The following NLRC5 variants were observed in gnomAD, a reference collection of about 807,000 sequenced individuals.
NLRC5 encodes the protein protein NLRC5.
NLRC5 carries 114 observed loss-of-function variants against 206.9 expected under a neutral mutation model. The observed-to-expected ratio is 0.55, with a 90% CI of 0.47 to 0.64. The LOEUF is 0.64. NLRC5 is among the 30% of genes least tolerant of loss of function. The pLI, the probability that NLRC5 is intolerant of heterozygous loss-of-function variation, is 0.00. For missense variants in NLRC5, 2,008 were observed against 2,305.5 expected (o/e 0.87, Z 2.64); for synonymous variants, 952 against 962.8 (o/e 0.99, Z 0.21).
At chr16:57,034,508 A>G in intron 13 of NLRC5, 1 of 439,852 alleles carries the variant, frequency 2.3e-6, no homozygotes, top group Non-Finnish European at 4.1e-6. Context: ...TCCTCATTTT[A>G]TAGAGGAGGA....
intron 29 of NLRC5, 110 bp downstream of exon 29, chr16:57,059,171 G>T: frequency 1.3e-6 from 2 of 1,594,356 alleles, no homozygotes; most frequent in South Asian, 2.2e-5. Context: ...CATCTGGGTG[G>T]CTTGGAGCAA....
At chr16:57,066,682 C>T in intron 34 of NLRC5, 68 bp downstream of exon 34, 1 of 1,329,390 alleles carries the variant, frequency 7.5e-7, no homozygotes, top group Non-Finnish European at 1.1e-6. Context: ...CTGCTTCTGA[C>T]CAATATTCAC....
chr16:57,025,562 G>T lies in NLRC5; in HGVS notation c.619G>T (p.Val207Leu). The change falls in exon 6 of 49, where the codon GTG becomes TTG. Residue 207 changes from valine to leucine, a missense_variant. By Grantham distance (32) the Val-to-Leu change is conservative. Coordinates refer to ENST00000688547, the MANE Select transcript of NLRC5 (RefSeq NM_001384950.1). ...GDVKVEDGAD[V>L]SISDLFNTRV... is the part of the protein sequence containing the mutation. ...CGTCAAGGTGGAAGATGGTGCTGAC[G>T]TGAGCATCTCGGACCTCTTCAACAC... 1 of 1,614,028 alleles carries T rather than the reference G, an allele frequency of 6.2e-7. No individual in the cohort carries two copies. Among genetic ancestry groups the T allele is most frequent in the Non-Finnish European group, 8.5e-7 (1 of 1,179,910 alleles).
At chr16:57,057,946 G>A (rs2065906133) in intron 27 of NLRC5, 119 bp from the exon 28 acceptor site, 1 of 763,780 alleles carries the variant, frequency 1.3e-6, no homozygotes, top group Non-Finnish European at 2.3e-6. Context: ...TGGTGGCGCT[G>A]GTGACCCTGA....
At chr16:57,002,462 G>C (rs1416037645) in intron 1 of NLRC5, among the ~76,000 whole-genome samples, 1 of 151,754 alleles carries the variant, frequency 6.6e-6, no homozygotes, top group African/African-American at 2.4e-5. Flanking sequence ...CATTTTCTCT[G>C]TTCATTCATC....
At chr16:57,064,328 TTC>T (rs1221669735) in intron 32 of NLRC5, among the ~76,000 whole-genome samples, 2 of 152,234 alleles carry the variant, frequency 1.3e-5, no homozygotes, top group Admixed American at 6.5e-5. Flanking sequence ...TTTGACTTAA[TTC>T]TCTTTTTTCC....
intron 21 of NLRC5, among the ~76,000 whole-genome samples, chr16:57,045,859 GC>G (rs1451016167): frequency 6.6e-6 from 1 of 152,240 alleles, no homozygotes; most frequent in Non-Finnish European, 1.5e-5. Flanking sequence ...ACATGTCACT[GC>G]CCTTTCACGC....
In NLRC5 at chr16:57,000,800, C is replaced by T. The variant is rs1298754533; in HGVS notation, c.-128+11183C>T. Among the ~76,000 whole-genome samples the T allele has an allele frequency of 2.6e-5, 4 of 152,254 alleles. No homozygotes were observed. The South Asian group carries it at 8.3e-4, about 32-fold the overall frequency. ...TGCTTGCCCTGCCAGCATTTGTGGG[C>T]GGGGGAGGAAATGGCCACTAACCAT... On this transcript the variant is annotated intron_variant, in intron 1 of 48. Coordinates refer to ENST00000688547, the MANE Select transcript of NLRC5 (RefSeq NM_001384950.1).
intron 23 of NLRC5, 115 bp from the exon 24 acceptor site, chr16:57,051,423 A>T: frequency 1.3e-6 from 1 of 746,082 alleles, no homozygotes; most frequent in South Asian, 1.6e-5. Context: ...GCTGGGAGGG[A>T]ATGTTTCAGG....
intron 16 of NLRC5, 66 bp downstream of exon 16, chr16:57,039,915 C>A (rs1242352755): frequency 2.2e-6 from 3 of 1,354,404 alleles, no homozygotes; most frequent in African/African-American, 1.4e-5. Flanking sequence ...CCCTCCACAG[C>A]TGGGCAGTGC....
chr16:57,040,585 A>C, intron 16 of NLRC5, 65 bp from the exon 17 acceptor site: 1 of 1,511,072 alleles, frequency 6.6e-7, no homozygotes, highest in Non-Finnish European at 9.2e-7. Context: ...GGCCAGGCTG[A>C]GGATGGATTC....
Position 57,079,540 on chromosome 16 carries a change from C to T in NLRC5, c.5238-6C>T, listed in dbSNP as rs200755778. On this transcript the variant is annotated splice_polypyrimidine_tract_variant and splice_region_variant and intron_variant, in intron 45 of 48. Coordinates refer to ENST00000688547, the MANE Select transcript of NLRC5 (RefSeq NM_001384950.1). ...CATCCCATCCCATGCCCTTCTCCATCCCCAGCCTGGTTTCCTGTAAGATTG... is the reference window on the plus strand; with the variant it reads ...CATCCCATCCCATGCCCTTCTCCATTCCCAGCCTGGTTTCCTGTAAGATTG... 44 of 1,613,608 alleles carry T rather than the reference C, an allele frequency of 2.7e-5. No homozygotes were observed. The highest frequency in any genetic ancestry group is 3.6e-5 in the Non-Finnish European group (42 of 1,179,638).
intron 48 of NLRC5, 139 bp from the exon 49 acceptor site, chr16:57,082,278 C>T (rs1567656532): frequency 3.3e-6 from 2 of 600,784 alleles, no homozygotes; most frequent in East Asian, 5.9e-5. Flanking sequence ...CCTAGGTCAG[C>T]TATGCTGGTC....
rs2144402457 is a variant in NLRC5, at chr16:57,054,851, C to T, written c.3596+11C>T. The T allele has an allele frequency of 6.2e-7, 1 of 1,613,202 alleles. No homozygotes were observed. The highest frequency in any genetic ancestry group is 8.5e-7 in the Non-Finnish European group (1 of 1,179,118). On this transcript the variant is annotated intron_variant, in intron 25 of 48. Transcript: ENST00000688547. ...AAAGGTGGATCTCAGGTGGGCATTCCCCTGGGACAGCCAGGACTCGTCCTG... is the reference window on the plus strand; with the variant it reads ...AAAGGTGGATCTCAGGTGGGCATTCTCCTGGGACAGCCAGGACTCGTCCTG...
At chr16:57,011,720 CAAA>C (rs34446834) in intron 1 of NLRC5, among the ~76,000 whole-genome samples, 80 of 135,744 alleles carry the variant, frequency 5.9e-4, no homozygotes, top group Non-Finnish European at 6.1e-4. Flanking sequence ...GACCCTGTGT[CAAA>C]AAAAAAAAAA....
rs371542391 is a variant in NLRC5, at chr16:57,037,319, C to G, written c.2801+35C>G. On this transcript the variant is annotated intron_variant, in intron 15 of 48. Coordinates refer to ENST00000688547, the MANE Select transcript of NLRC5 (RefSeq NM_001384950.1). ...CCCTCAGACCACGGTACCCATCCCC[C>G]CCCCCATCATGCTCTCTCTGAAGCC... 3.1e-4 allele frequency: 489 copies of G among 1,574,692 alleles called. 2 individuals carry two copies. The African/African-American group carries it at 5.0e-3, about 16-fold the overall frequency.
chr16:57,067,844 A>G lies in NLRC5; in HGVS notation c.4499+16A>G, dbSNP rs368382343. 3.8e-6 allele frequency: 6 copies of G among 1,597,002 alleles called. No homozygotes were observed. The African/African-American group carries it at 6.7e-5, about 18-fold the overall frequency. On this transcript the variant is annotated intron_variant, in intron 36 of 48. Transcript: ENST00000688547. Reference sequence around the variant, plus strand: ...AGACATTTCGGTATGTAGACAAGACATTCACTCAGTCCCCTTTGCAGCTCT... The same window carrying G: ...AGACATTTCGGTATGTAGACAAGACGTTCACTCAGTCCCCTTTGCAGCTCT...
intron 15 of NLRC5, among the ~76,000 whole-genome samples, chr16:57,038,764 G>A (rs1318824765): frequency 1.3e-5 from 2 of 151,576 alleles, no homozygotes; most frequent in Non-Finnish European, 2.9e-5. Context: ...ATGAAACCCC[G>A]TCTCTACTAA....
intron 11 of NLRC5, among the ~76,000 whole-genome samples, chr16:57,032,061 ATC>A (rs1306150451): frequency 6.6e-6 from 1 of 152,000 alleles, no homozygotes; most frequent in Non-Finnish European, 1.5e-5. Context: ...CCCCTGAGCA[ATC>A]TCTTTCCCTT....
Sources: gnomAD v4.1 joint callset for allele counts (sites outside exome capture counted in the v4.1 genomes callset) on GRCh38, gnomAD v4.1.1 for gene constraint, MANE v1.5 for transcripts, NCBI Gene and HGNC (gene_info 2026-07-23, HGNC 2026-07-21) for gene names.